Variants in CYP20A1 observed in about 807,000 individuals in gnomAD.
CYP20A1 encodes the protein cytochrome P450 family 20 subfamily A member 1.
A neutral mutation model predicts 61.4 loss-of-function variants in CYP20A1; 61 were observed. The observed-to-expected ratio is 0.99, with a 90% CI of 0.81 to 1.23. The LOEUF is 1.23. Ranked by LOEUF, CYP20A1 falls within the 50% of genes most tolerant of loss-of-function variation. The pLI is 0.00. For synonymous variants in CYP20A1, 193 were observed against 188.2 expected (o/e 1.03, Z -0.21); for missense variants, 530 against 542.4 (o/e 0.98, Z 0.23).
At chr2:203,247,894 C>T (rs2066517328) in intron 3 of CYP20A1, among the ~76,000 whole-genome samples, 1 of 151,510 alleles carries the variant, frequency 6.6e-6, no homozygotes, top group Non-Finnish European at 1.5e-5. Flanking sequence ...AATACTTGTA[C>T]CATCAGTTAG....
Position 203,272,662 on chromosome 2 carries a change from A to G in CYP20A1, c.601-8A>G, listed in dbSNP as rs1042461934. 6 of 1,583,978 alleles carry G rather than the reference A, an allele frequency of 3.8e-6. No individual in the cohort carries two copies. The highest frequency in any genetic ancestry group is 5.2e-6 in the Non-Finnish European group (6 of 1,163,796). On this transcript the variant is annotated splice_polypyrimidine_tract_variant and splice_region_variant and intron_variant, in intron 5 of 12. Coordinates refer to ENST00000356079, the MANE Select transcript of CYP20A1 (RefSeq NM_177538.3). ...AGATAATAGTTATGTATATTTACCT[A>G]TTTTCAGGTTTGGTCTGAGATTGGA... is the stretch of plus-strand genomic sequence containing the variant.
intron 3 of CYP20A1, among the ~76,000 whole-genome samples, chr2:203,247,354 C>T (rs2066497668): frequency 6.6e-6 from 1 of 152,106 alleles, no homozygotes; most frequent in South Asian, 2.1e-4. Context: ...ATGCTTTGTA[C>T]TATGTGCTAG....
intron 3 of CYP20A1, among the ~76,000 whole-genome samples, chr2:203,247,246 G>A (rs953520570): frequency 3.9e-5 from 6 of 151,936 alleles, no homozygotes; most frequent in Non-Finnish European, 8.8e-5. Flanking sequence ...GGGCGACAGA[G>A]CGAGACTGTC....
intron 4 of CYP20A1, 41 bp downstream of exon 4, chr2:203,252,150 A>G: frequency 6.7e-7 from 1 of 1,503,122 alleles, no homozygotes; most frequent in Non-Finnish European, 9.0e-7. Context: ...CTACAACATA[A>G]ATAATAGTAT....
At chr2:203,292,528 T>A (rs2068581628) in intron 11 of CYP20A1, among the ~76,000 whole-genome samples, 1 of 152,200 alleles carries the variant, frequency 6.6e-6, no homozygotes, top group Non-Finnish European at 1.5e-5. Flanking sequence ...GTGCAATCAC[T>A]TCTCACTGCA....
chr2:203,262,427 T>G (rs544697445), intron 4 of CYP20A1, among the ~76,000 whole-genome samples: 4 of 152,306 alleles, frequency 2.6e-5, no homozygotes, highest in Admixed American at 2.0e-4. Flanking sequence ...GTAACTGATA[T>G]AGTGTCTTCG....
chr2:203,292,291 A>G lies in CYP20A1; in HGVS notation c.1113A>G (p.Val371=). Residue 371 remains valine, a synonymous_variant, in exon 11 of 13, where the codon GTA becomes GTG. Transcript: ENST00000356079. The part of the protein sequence containing the change: ...ETLVLYALGV[V]LQDPNTWPSP... ...TCGTCCTTTATGCCCTTGGTGTGGT[A>G]CTTCAGGATCCTAATACTTGGCCAT... 3 of 1,612,010 alleles carry G rather than the reference A, an allele frequency of 1.9e-6. No homozygotes were observed. The highest frequency in any genetic ancestry group is 2.5e-6 in the Non-Finnish European group (3 of 1,178,984).
chr2:203,253,385 C>G (rs2066770982), intron 4 of CYP20A1, among the ~76,000 whole-genome samples: 1 of 152,282 alleles, frequency 6.6e-6, no homozygotes, highest in Non-Finnish European at 1.5e-5. Context: ...GCTCCGGGCT[C>G]CATCCTCCAG....
At chr2:203,239,197 C>A in intron 1 of CYP20A1, 63 bp downstream of exon 1, 4 of 1,380,494 alleles carry the variant, frequency 2.9e-6, no homozygotes, top group Non-Finnish European at 4.1e-6. Flanking sequence ...TCGCCGGCAT[C>A]CAGGCCAACC....
intron 4 of CYP20A1, among the ~76,000 whole-genome samples, chr2:203,265,565 A>G (rs569183081): frequency 6.6e-6 from 1 of 152,156 alleles, no homozygotes; most frequent in Non-Finnish European, 1.5e-5. Context: ...GTGTGTATCT[A>G]TGTCTTAAAT....
At chr2:203,249,448 C>T (rs1461643535) in intron 3 of CYP20A1, among the ~76,000 whole-genome samples, 1 of 152,050 alleles carries the variant, frequency 6.6e-6, no homozygotes, top group African/African-American at 2.4e-5. Context: ...AATTGATTAC[C>T]ATATTTTTGT....
rs1219668069 is a variant in CYP20A1, at chr2:203,304,528, G to A, written c.*7620G>A. Among the ~76,000 whole-genome samples the A allele has an allele frequency of 6.6e-6, 1 of 152,144 alleles. No homozygotes were observed. The highest frequency in any genetic ancestry group is 2.4e-5 in the African/African-American group (1 of 41,450). On this transcript the variant is annotated 3_prime_UTR_variant, in exon 13 of 13. Coordinates refer to ENST00000356079, the MANE Select transcript of CYP20A1 (RefSeq NM_177538.3). ...AGGAATTTTTAAGAGGAAAAAGAAT[G>A]CTACCAACCTAAACACATTTCTGTG...
intron 2 of CYP20A1, among the ~76,000 whole-genome samples, chr2:203,246,326 A>T (rs1436914610): frequency 1.3e-5 from 2 of 152,192 alleles, no homozygotes; most frequent in Non-Finnish European, 2.9e-5. Flanking sequence ...AAATCAAAAC[A>T]TTTCATTGCT....
intron 2 of CYP20A1, 84 bp from the exon 3 acceptor site, chr2:203,246,671 T>C (rs13015873): frequency 0.95 from 1,286,586 of 1,348,628 alleles, 614,434 homozygotes; most frequent in Non-Finnish European, 0.96. Context: ...CATTTATTGA[T>C]ACAGTTAATT....
intron 8 of CYP20A1, among the ~76,000 whole-genome samples, chr2:203,280,335 A>C (rs2067991606): frequency 6.6e-6 from 1 of 152,142 alleles, no homozygotes; most frequent in Non-Finnish European, 1.5e-5. Context: ...CAAGAGGATG[A>C]ATCACGAGGA....
intron 5 of CYP20A1, among the ~76,000 whole-genome samples, chr2:203,267,686 A>G (rs1290698254): frequency 6.6e-6 from 1 of 151,784 alleles, no homozygotes; most frequent in African/African-American, 2.4e-5. Flanking sequence ...CTACTAAAAA[A>G]TACAAAAATT....
intron 1 of CYP20A1, among the ~76,000 whole-genome samples, chr2:203,241,573 G>A (rs2066256066): frequency 6.6e-6 from 1 of 152,250 alleles, no homozygotes; most frequent in African/African-American, 2.4e-5. Flanking sequence ...GAAGCCAGAT[G>A]TTTTAAGCAG....
chr2:203,280,491 C>G (rs1340826534), intron 8 of CYP20A1, among the ~76,000 whole-genome samples: 1 of 152,138 alleles, frequency 6.6e-6, no homozygotes, highest in African/African-American at 2.4e-5. Flanking sequence ...TCACTTGAGC[C>G]CAGGAGTTCG....
At chr2:203,250,860 C>T (rs954342997) in intron 3 of CYP20A1, among the ~76,000 whole-genome samples, 28 of 151,668 alleles carry the variant, frequency 1.8e-4, no homozygotes, top group Admixed American at 1.4e-3. Context: ...GTCAGGAGAT[C>T]GAGACCATCC....
Sources: gnomAD v4.1 joint callset for allele counts (sites outside exome capture counted in the v4.1 genomes callset) on GRCh38, gnomAD v4.1.1 for gene constraint, MANE v1.5 for transcripts, NCBI Gene and HGNC (gene_info 2026-07-23, HGNC 2026-07-21) for gene names.